Variants in ZDHHC8 observed in about 807,000 individuals in gnomAD.
ZDHHC8 encodes zDHHC palmitoyltransferase 8.
In ZDHHC8, 24 loss-of-function variants were observed where a neutral mutation model predicts 61.2. The ratio of observed to expected loss-of-function variants is 0.39; its 90% confidence interval spans 0.28 to 0.55. ZDHHC8 has a LOEUF of 0.55. Ranked by LOEUF, ZDHHC8 falls within the 20% of genes least tolerant of loss-of-function variation. The probability of loss-of-function intolerance (pLI) is 0.60; values close to 1 mark genes in which losing one functional copy is unlikely to be tolerated. For synonymous variants in ZDHHC8, 523 were observed against 492.5 expected (o/e 1.06, Z -0.82); for missense variants, 935 against 1,102.1 (o/e 0.85, Z 2.15).
At chr22:20,139,101 C>T in intron 1 of ZDHHC8, 93 bp from the exon 2 acceptor site, 1 of 1,512,372 alleles carries the variant, frequency 6.6e-7, no homozygotes, top group South Asian at 1.3e-5. Flanking sequence ...TGAGGGTGAC[C>T]TTGCAGGCCC....
Position 20,132,461 on chromosome 22 carries a change from C to T in ZDHHC8, c.104+410C>T, listed in dbSNP as rs142441474. On this transcript the variant is annotated intron_variant, in intron 1 of 10. Coordinates refer to ENST00000334554, the MANE Select transcript of ZDHHC8 (RefSeq NM_013373.4). ...TCTGCAGGTGGCCGTGGGTGCCTCT[C>T]GGGTCTCCTCCTGGCTGCCCGCCCC... Among the ~76,000 whole-genome samples the T allele has an allele frequency of 2.0e-3, 304 of 152,348 alleles. 7 individuals carry two copies. In the East Asian group the frequency reaches 0.049, roughly 24 times the overall value.
At chr22:20,138,839 G>A (rs1452462613) in intron 1 of ZDHHC8, among the ~76,000 whole-genome samples, 1 of 152,110 alleles carries the variant, frequency 6.6e-6, no homozygotes, top group East Asian at 1.9e-4. Context: ...TCCATCTGGG[G>A]CTCCCACCTC....
rs150619953 is a variant in ZDHHC8, at chr22:20,139,027, A to G, written c.105-167A>G. Among the ~76,000 whole-genome samples, 911 of 152,276 alleles carry G rather than the reference A, an allele frequency of 6.0e-3. 9 individuals carry two copies. The highest frequency in any genetic ancestry group is 0.02 in the African/African-American group (840 of 41,556). The stretch of plus-strand genomic sequence containing the variant: ...ACGCACAGCCTCTGGCCGTTACTCG[A>G]AGGAGCGATGTGGCTGAGGTTTCTT... On this transcript the variant is annotated intron_variant, in intron 1 of 10. Coordinates refer to ENST00000334554, the MANE Select transcript of ZDHHC8 (RefSeq NM_013373.4).
chr22:20,139,763 G>T lies in ZDHHC8; in HGVS notation c.428G>T (p.Arg143Leu). 1 of 1,613,022 alleles carries T rather than the reference G, an allele frequency of 6.2e-7. No individual in the cohort carries two copies. Among genetic ancestry groups the T allele is most frequent in the Non-Finnish European group, 8.5e-7 (1 of 1,180,024 alleles). ...CCCTGGGTCAACAACTGCATCGGGC[G>T]TCGAAACTATCGCTACTTCTTCCTG... Reference protein sequence around the residue: ...HCPWVNNCIGRRNYRYFFLFL... With the variant: ...HCPWVNNCIGLRNYRYFFLFL... The change falls in exon 4 of 11, where the codon CGT (arginine) becomes CTT (leucine). Residue 143 changes from arginine (R) to leucine (L), a missense_variant. By Grantham distance (102) the Arg-to-Leu change is moderately radical. Coordinates refer to ENST00000334554, the MANE Select transcript of ZDHHC8 (RefSeq NM_013373.4).
intron 10 of ZDHHC8, among the ~76,000 whole-genome samples, chr22:20,144,074 A>T (rs2050500766): frequency 6.6e-6 from 1 of 152,076 alleles, no homozygotes; most frequent in African/African-American, 2.4e-5. Context: ...GGCCAGTATC[A>T]TGTGGCAGCC....
chr22:20,141,047 A>T (rs1388294573), intron 7 of ZDHHC8, 35 bp downstream of exon 7: 2 of 1,607,622 alleles, frequency 1.2e-6, no homozygotes, highest in South Asian at 2.2e-5. Context: ...GCTGGCAGTC[A>T]GGCCCTTGGA....
In ZDHHC8 at chr22:20,139,014, T is replaced by C. The variant is rs189071853; in HGVS notation, c.105-180T>C. Among the ~76,000 whole-genome samples the C allele has an allele frequency of 3.7e-3, 561 of 152,334 alleles. 2 individuals are homozygous for C. Among genetic ancestry groups the C allele is most frequent in the Middle Eastern group, 0.017 (5 of 294 alleles). ...ATGCTGTACTGATACGCACAGCCTCTGGCCGTTACTCGAAGGAGCGATGTG... is the reference window on the plus strand; with the variant it reads ...ATGCTGTACTGATACGCACAGCCTCCGGCCGTTACTCGAAGGAGCGATGTG... On this transcript the variant is annotated intron_variant, in intron 1 of 10. Coordinates refer to ENST00000334554, the MANE Select transcript of ZDHHC8 (RefSeq NM_013373.4).
rs1270462763 is a variant in ZDHHC8, at chr22:20,140,460, G to A, written c.661-157G>A. On this transcript the variant is annotated intron_variant, in intron 5 of 10. Coordinates refer to ENST00000334554, the MANE Select transcript of ZDHHC8 (RefSeq NM_013373.4). ...CCACAGCTCCCTGCAAGTTCAGGCT[G>A]GGTAACCTATGTGAGGGGCAGCCCT... is the stretch of plus-strand genomic sequence containing the variant. The A allele has an allele frequency of 9.3e-6, 8 of 861,544 alleles. No individual in the cohort carries two copies. In the East Asian group the frequency reaches 2.1e-4, roughly 23 times the overall value. 53.4% of individuals were successfully genotyped at this position (861,544 alleles called of 1,614,324 possible).
At chr22:20,133,176 A>C (rs76755062) in intron 1 of ZDHHC8, among the ~76,000 whole-genome samples, 1 of 152,204 alleles carries the variant, frequency 6.6e-6, no homozygotes, top group African/African-American at 2.4e-5. Context: ...TGTTTAAAAA[A>C]GGCCTGTGTG....
At chr22:20,141,151 T>C (rs79425519) in intron 7 of ZDHHC8, 66 bp from the exon 8 acceptor site, 88,633 of 1,586,024 alleles carry the variant, frequency 0.056, 2,689 homozygotes, top group South Asian at 0.099. Flanking sequence ...GGTCCCAGGC[T>C]GAATCCCTAG....
At chr22:20,142,681 G>T in intron 9 of ZDHHC8, 75 bp from the exon 10 acceptor site, 1 of 1,588,000 alleles carries the variant, frequency 6.3e-7, no homozygotes. Context: ...GCCATGTGTG[G>T]CCCCCGTGGG....
At chr22:20,132,485 C>T (rs546292052) in intron 1 of ZDHHC8, among the ~76,000 whole-genome samples, 3 of 152,370 alleles carry the variant, frequency 2.0e-5, no homozygotes, top group African/African-American at 7.2e-5. Flanking sequence ...GCTGCCCGCC[C>T]CGGGCCAGAG....
chr22:20,132,114 C>T, intron 1 of ZDHHC8, 63 bp downstream of exon 1: 1 of 1,038,602 alleles, frequency 9.6e-7, no homozygotes, highest in Non-Finnish European at 1.2e-6. Flanking sequence ...ACAGCCCGGG[C>T]ACGGGGGCAG....
Position 20,143,619 on chromosome 22 carries a change from C to T in ZDHHC8, c.1989C>T (p.Gly663=). The change falls in exon 10 of 11, where the codon GGC becomes GGT. Residue 663 remains glycine, a synonymous_variant. Transcript: ENST00000334554. ...CCCCGGGGCCCCGGCCCAGCAGTGG[C>T]TCACACAGGTCACCTGCACGCCAGG... ...SNAPGPRPSS[G]SHRSPARQGL... The T allele has an allele frequency of 6.2e-7, 1 of 1,604,536 alleles. No individual in the cohort carries two copies. Among genetic ancestry groups the T allele is most frequent in the Non-Finnish European group, 8.5e-7 (1 of 1,179,082 alleles).
At position 20,142,780 on chromosome 22, in the gene ZDHHC8, C is replaced by T; in HGVS notation, c.1150C>T (p.Leu384=). The T allele has an allele frequency of 6.2e-7, 1 of 1,612,646 alleles. No homozygotes were observed. Among genetic ancestry groups the T allele is most frequent in the South Asian group, 1.1e-5 (1 of 91,084 alleles). The stretch of plus-strand genomic sequence containing the variant: ...GGTTCCAGGCCCTGATTCCCTGACC[C>T]TGGGGGACGACAGCATCCGTAGCCT... ...EQVPGPDSLT[L]GDDSIRSLDF... The change falls in exon 10 of 11, where the codon CTG becomes TTG. Residue 384 remains leucine, a synonymous_variant. Transcript: ENST00000334554.
At chr22:20,132,222 G>A (rs1438850403) in intron 1 of ZDHHC8, among the ~76,000 whole-genome samples, 171 bp downstream of exon 1, 2 of 152,142 alleles carry the variant, frequency 1.3e-5, no homozygotes, top group Non-Finnish European at 2.9e-5. Context: ...TGGGGGAGTT[G>A]AAGCGGTGTG....
chr22:20,138,672 C>T (rs957220327), intron 1 of ZDHHC8, among the ~76,000 whole-genome samples: 1 of 152,156 alleles, frequency 6.6e-6, no homozygotes, highest in Non-Finnish European at 1.5e-5. Context: ...AAAGAAGGGG[C>T]TGTCTGGATG....
At chr22:20,140,416 CA>C (rs1164256592) in intron 5 of ZDHHC8, 199 bp downstream of exon 5, 18 of 779,002 alleles carry the variant, frequency 2.3e-5, no homozygotes, top group Non-Finnish European at 3.4e-5. Context: ...ACACTGTGGC[CA>C]CCAGTGACCC....
chr22:20,133,103 C>T (rs935878917), intron 1 of ZDHHC8, among the ~76,000 whole-genome samples: 7 of 152,198 alleles, frequency 4.6e-5, no homozygotes, highest in African/African-American at 1.2e-4. Flanking sequence ...ATCGGGTGCC[C>T]GTGGAGGCGA....
Sources: allele counts gnomAD v4.1 joint callset (sites outside exome capture counted in the v4.1 genomes callset), GRCh38; gene constraint gnomAD v4.1.1; transcripts MANE v1.5; gene names NCBI Gene and HGNC (gene_info 2026-07-23, HGNC 2026-07-21).